The following FMN2 variants were observed in gnomAD, a reference collection of about 807,000 sequenced individuals.
FMN2 encodes formin 2, also known as formin-2.
FMN2 carries 51 observed loss-of-function variants against 142.3 expected under a neutral mutation model. The ratio of observed to expected loss-of-function variants is 0.36; its 90% CI spans 0.29 to 0.45. The LOEUF (loss-of-function observed/expected upper bound fraction) is 0.45, where lower values mean the gene tolerates loss of function less well. FMN2 is among the 20% of genes least tolerant of loss of function. FMN2 has a pLI of 1.00. For missense variants in FMN2, 1,936 were observed against 2,122.8 expected (o/e 0.91, Z 1.73); for synonymous variants, 882 against 869.8 (o/e 1.01, Z -0.25).
At chr1:240,471,574 C>G (rs1489237208) in intron 16 of FMN2, 1 of 152,380 alleles carries the variant, frequency 6.6e-6, no homozygotes, top group Non-Finnish European at 1.5e-5. Context: ...GATGGGATTT[C>G]ACCGTGTTAG....
At chr1:240,380,509 T>C (rs1673188195) in intron 14 of FMN2, among the ~76,000 whole-genome samples, 1 of 152,126 alleles carries the variant, frequency 6.6e-6, no homozygotes, top group African/African-American at 2.4e-5. Flanking sequence ...TGATAAATTG[T>C]GTTAAATTTA....
chr1:240,189,597 A>G (rs1665622159), intron 4 of FMN2, among the ~76,000 whole-genome samples: 1 of 152,258 alleles, frequency 6.6e-6, no homozygotes, highest in Admixed American at 6.5e-5. Context: ...GGTTGAAAAC[A>G]GCACCTGGGT....
chr1:240,159,974 T>TACACACAC (rs1185408892), intron 2 of FMN2, among the ~76,000 whole-genome samples: 124 of 134,070 alleles, frequency 9.2e-4, no homozygotes, highest in African/African-American at 3.4e-3. Context: ...TATATATATA[T>TACACACAC]ACACACACAC....
At chr1:240,268,357 T>C (rs769395229) in intron 7 of FMN2, among the ~76,000 whole-genome samples, 38 of 152,110 alleles carry the variant, frequency 2.5e-4, no homozygotes, top group Non-Finnish European at 4.4e-4. Context: ...ATGAGAATTA[T>C]CTAACAGCTC....
intron 8 of FMN2, among the ~76,000 whole-genome samples, chr1:240,297,864 G>A (rs1670045760): frequency 6.6e-6 from 1 of 152,102 alleles, no homozygotes; most frequent in Admixed American, 6.5e-5. Context: ...GGCAGATTTG[G>A]GATCTGGTGA....
At chr1:240,199,371 A>G (rs1210786013) in intron 4 of FMN2, among the ~76,000 whole-genome samples, 3 of 152,214 alleles carry the variant, frequency 2.0e-5, no homozygotes, top group Non-Finnish European at 4.4e-5. Context: ...TGCTTACATA[A>G]TAAACATAAT....
intron 16 of FMN2, among the ~76,000 whole-genome samples, chr1:240,455,776 G>A (rs1023460463): frequency 6.6e-6 from 1 of 151,974 alleles, no homozygotes; most frequent in African/African-American, 2.4e-5. Flanking sequence ...AGGAATTCGA[G>A]ACCAGCCTGA....
At chr1:240,370,119 G>A (rs1314890344) in intron 14 of FMN2, among the ~76,000 whole-genome samples, 1 of 152,106 alleles carries the variant, frequency 6.6e-6, no homozygotes, top group Non-Finnish European at 1.5e-5. Flanking sequence ...AGGTTGCTAG[G>A]TTTAGCGATG....
At chr1:240,385,864 A>G (rs894270638) in intron 14 of FMN2, among the ~76,000 whole-genome samples, 1 of 151,498 alleles carries the variant, frequency 6.6e-6, no homozygotes, top group African/African-American at 2.4e-5. Context: ...ATACACCTAT[A>G]TTTCTAGAGG....
At chr1:240,117,769 G>A (rs185457098) in intron 1 of FMN2, among the ~76,000 whole-genome samples, 10 of 152,282 alleles carry the variant, frequency 6.6e-5, no homozygotes, top group South Asian at 2.1e-4. Flanking sequence ...TGATTATCCC[G>A]TCTTTGCCAG....
intron 6 of FMN2, among the ~76,000 whole-genome samples, chr1:240,213,324 C>T (rs1326319448): frequency 2.0e-5 from 3 of 152,176 alleles, no homozygotes; most frequent in East Asian, 1.9e-4. Flanking sequence ...TCCATCATGA[C>T]TCCAGATAAA....
At chr1:240,346,627 G>T (rs568502073) in intron 13 of FMN2, among the ~76,000 whole-genome samples, 1 of 152,110 alleles carries the variant, frequency 6.6e-6, no homozygotes, top group Non-Finnish European at 1.5e-5. Context: ...AATGTAGTAG[G>T]TGAATATTCA....
chr1:240,180,232 C>T, intron 3 of FMN2: 5 of 1,178,276 alleles, frequency 4.2e-6, no homozygotes, highest in Non-Finnish European at 4.5e-6. Flanking sequence ...GATCTATAAA[C>T]CCCAGCAGTC....
At chr1:240,101,582 G>C (rs1203256819) in intron 1 of FMN2, among the ~76,000 whole-genome samples, 1 of 151,890 alleles carries the variant, frequency 6.6e-6, no homozygotes, top group Non-Finnish European at 1.5e-5. Flanking sequence ...CCACCCAAGC[G>C]GGAGCGCAGT....
At chr1:240,380,787 G>C (rs1212157583) in intron 14 of FMN2, among the ~76,000 whole-genome samples, 1 of 147,222 alleles carries the variant, frequency 6.8e-6, no homozygotes, top group African/African-American at 2.5e-5. Flanking sequence ...AAATGATAAA[G>C]GATCAACAAA....
intron 6 of FMN2, among the ~76,000 whole-genome samples, chr1:240,224,583 C>T (rs1466726994): frequency 6.6e-6 from 1 of 152,046 alleles, no homozygotes; most frequent in Non-Finnish European, 1.5e-5. Context: ...CAAATGTTGA[C>T]AGTGGGGTGT....
chr1:240,465,378 GTGTGTGTGTC>G (rs1187612811), intron 16 of FMN2, among the ~76,000 whole-genome samples: 5 of 107,798 alleles, frequency 4.6e-5, no homozygotes, highest in Middle Eastern at 4.9e-3. Flanking sequence ...GTGTGTGTGT[GTGTGTGTGTC>G]TGTCTTTCTC....
chr1:240,352,624 A>G (rs998900753), intron 13 of FMN2, among the ~76,000 whole-genome samples: 5 of 152,158 alleles, frequency 3.3e-5, no homozygotes, highest in Non-Finnish European at 7.4e-5. Flanking sequence ...ACTTTTGGGA[A>G]CACTGTGTCA....
At chr1:240,273,936 G>A (rs1248518354) in intron 7 of FMN2, among the ~76,000 whole-genome samples, 3 of 152,088 alleles carry the variant, frequency 2.0e-5, no homozygotes, top group East Asian at 1.9e-4. Context: ...GTATGAGAGT[G>A]ACTGATTTTA....
Sources: gnomAD v4.1 joint callset for allele counts (sites outside exome capture counted in the v4.1 genomes callset) on GRCh38, gnomAD v4.1.1 for gene constraint, MANE v1.5 for transcripts, NCBI Gene and HGNC (gene_info 2026-07-23, HGNC 2026-07-21) for gene names.